Variants in NFATC1 observed in about 807,000 individuals in gnomAD.
NFATC1 encodes nuclear factor of activated T cells 1, also known as nuclear factor of activated T-cells, cytoplasmic 1.
Under a neutral mutation model 76.0 loss-of-function variants are expected in NFATC1, and 22 were observed. The observed-to-expected ratio is 0.29, with a 90% CI of 0.21 to 0.41. The LOEUF (loss-of-function observed/expected upper bound fraction) is 0.41. Among genes scored for constraint, NFATC1 ranks in the 10% least tolerant of loss-of-function variants. The pLI is 1.00. For synonymous variants in NFATC1, 704 were observed against 613.1 expected (o/e 1.15, Z -2.19); for missense variants, 1,357 against 1,337.7 (o/e 1.01, Z -0.23).
chr18:79,509,512 G>A lies in NFATC1; in HGVS notation c.2783-18016G>A, dbSNP rs528504562. Among the ~76,000 whole-genome samples the A allele has an allele frequency of 2.8e-4, 43 of 152,372 alleles. No homozygotes were observed. The South Asian group carries it at 3.1e-3, about 11-fold the overall frequency. On this transcript the variant is annotated intron_variant, in intron 9 of 9. Transcript: ENST00000427363. Reference sequence around the variant, plus strand: ...CCCGGTGATGTTTCCTCAGACGCCCGCGCAGTGCCATGCCGTGGGCCTCAC... The same window carrying A: ...CCCGGTGATGTTTCCTCAGACGCCCACGCAGTGCCATGCCGTGGGCCTCAC...
At chr18:79,458,754 C>T (rs538490952) in intron 6 of NFATC1, among the ~76,000 whole-genome samples, 19 of 152,344 alleles carry the variant, frequency 1.2e-4, no homozygotes, top group South Asian at 4.1e-4. Context: ...GCTGCCCGTC[C>T]GGGCCTCCAC....
At position 79,527,820 on chromosome 18, in the gene NFATC1, G is replaced by A. The variant is rs995974520; in HGVS notation, c.*243G>A. The A allele has an allele frequency of 7.9e-5, 45 of 567,224 alleles. No homozygotes were observed. Among genetic ancestry groups the A allele is most frequent in the East Asian group, 7.5e-4 (27 of 35,982 alleles). The allele number at this position is 567,224 out of a possible 1,614,324, so 35.1% of individuals were successfully genotyped here. Reference sequence around the variant, plus strand: ...TCATGACAACAGAAGGGAGGTGGCCGGGCTGAGCACGGGAGACCCACCGTG... The same window carrying A: ...TCATGACAACAGAAGGGAGGTGGCCAGGCTGAGCACGGGAGACCCACCGTG... On this transcript the variant is annotated 3_prime_UTR_variant, in exon 10 of 10. Transcript: ENST00000427363.
chr18:79,400,138 A>C (rs1267153501), intron 1 of NFATC1: 465 of 653,970 alleles, frequency 7.1e-4, no homozygotes, highest in East Asian at 2.3e-3. Flanking sequence ...CGCGCGCGCG[A>C]GGGGGCGGGG....
chr18:79,411,931 GC>G (rs1356608034), intron 2 of NFATC1, among the ~76,000 whole-genome samples: 1 of 152,176 alleles, frequency 6.6e-6, no homozygotes, highest in Non-Finnish European at 1.5e-5. Flanking sequence ...CACGTGCCTG[GC>G]CCCCCTCGGT....
At chr18:79,401,861 C>T (rs1293289363) in intron 1 of NFATC1, among the ~76,000 whole-genome samples, 3 of 152,342 alleles carry the variant, frequency 2.0e-5, no homozygotes, top group East Asian at 1.9e-4. Context: ...CCCAGTGCTG[C>T]CAGAACCCAG....
intron 1 of NFATC1, among the ~76,000 whole-genome samples, chr18:79,402,089 A>C (rs2085283236): frequency 6.6e-6 from 1 of 152,196 alleles, no homozygotes; most frequent in African/African-American, 2.4e-5. Flanking sequence ...GCGCACCCCC[A>C]GTGACAAGGG....
intron 2 of NFATC1, among the ~76,000 whole-genome samples, chr18:79,418,187 C>T (rs8093148): frequency 0.23 from 34,722 of 151,984 alleles, 4,515 homozygotes; most frequent in African/African-American, 0.36. Flanking sequence ...CCAGCAGTTT[C>T]GTTGTGTGAT....
At chr18:79,456,814 C>T (rs1053432933) in intron 6 of NFATC1, among the ~76,000 whole-genome samples, 1 of 152,158 alleles carries the variant, frequency 6.6e-6, no homozygotes, top group Non-Finnish European at 1.5e-5. Flanking sequence ...GTGGCATCTC[C>T]GTGGTGTGCC....
rs118083295 is a variant in NFATC1 at position 79,440,621 on chromosome 18, G to T, written c.1386+6883G>T. Among the ~76,000 whole-genome samples, 359 of 152,330 alleles carry T rather than the reference G, an allele frequency of 2.4e-3. 3 individuals are homozygous for T. The highest frequency in any genetic ancestry group is 4.3e-3 in the Non-Finnish European group (290 of 68,016). On this transcript the variant is annotated intron_variant, in intron 3 of 9. Coordinates refer to ENST00000427363, the MANE Select transcript of NFATC1 (RefSeq NM_001278669.2). ...ATGGCAGGTCCCTGCCCGTTTCTCC[G>T]AGGACCTGGGGCTGTGACCCAGCTG...
Position 79,410,120 on chromosome 18 carries a change from C to T in NFATC1, c.128-283C>T, listed in dbSNP as rs1237618554. The stretch of plus-strand genomic sequence containing the variant: ...GCGGAACCCGTGAGGACCCGGCCGC[C>T]TCTCCCTGGGAAGGACGTTCGGGGG... On this transcript the variant is annotated intron_variant, in intron 1 of 9. Transcript: ENST00000427363. This position sits in a 1 kb window ranked among gnomAD's most constrained non-coding sequence, Gnocchi z 6.7. 1.2e-5 allele frequency: 9 copies of T among 744,160 alleles called. 1 individual carries two copies. The South Asian group carries it at 1.2e-4, about 10-fold the overall frequency. 46.1% of individuals were successfully genotyped at this position (744,160 alleles called of 1,614,324 possible).
At position 79,458,806 on chromosome 18, in the gene NFATC1, G is replaced by A. The variant is rs554595060; in HGVS notation, c.1904-2505G>A. ...ATGGCGATGCTCTTGCCGGCGGGAC[G>A]CGGCCCTGCGTCTCCTTTCCTGAGA... On this transcript the variant is annotated intron_variant, in intron 6 of 9. Transcript: ENST00000427363. Among the ~76,000 whole-genome samples, 7 of 152,378 alleles carry A rather than the reference G, an allele frequency of 4.6e-5. No individual in the cohort carries two copies. In the East Asian group the frequency reaches 1.2e-3, roughly 25 times the overall value.
chr18:79,520,957 C>CTG (rs1377749761), intron 9 of NFATC1, among the ~76,000 whole-genome samples: 2 of 65,438 alleles, frequency 3.1e-5, no homozygotes, highest in Non-Finnish European at 5.5e-5. Context: ...ATGTGTGTGT[C>CTG]TGTGTGTGGG....
chr18:79,460,484 G>A (rs549889981), intron 6 of NFATC1, among the ~76,000 whole-genome samples: 42 of 152,320 alleles, frequency 2.8e-4, no homozygotes, highest in African/African-American at 9.9e-4. Flanking sequence ...CGCCTTGTCC[G>A]TGTGCGCCTG....
At chr18:79,424,989 GTGTCTATCTCTGTGTCTGTCTC>G (rs2086253546) in intron 2 of NFATC1, among the ~76,000 whole-genome samples, 2 of 88,412 alleles carry the variant, frequency 2.3e-5, no homozygotes, top group African/African-American at 6.4e-5. Context: ...CTGTCTCTCT[GTGTCTATCTCTGTGTCTGTCTC>G]TCTCTCTGTC....
intron 6 of NFATC1, among the ~76,000 whole-genome samples, chr18:79,458,937 A>G (rs1199321835): frequency 6.6e-6 from 1 of 152,224 alleles, no homozygotes; most frequent in Non-Finnish European, 1.5e-5. Flanking sequence ...TTTGAAAGAC[A>G]ATTACTTTAT....
At chr18:79,508,100 A>T (rs1182302216) in intron 9 of NFATC1, among the ~76,000 whole-genome samples, 3 of 152,284 alleles carry the variant, frequency 2.0e-5, no homozygotes, top group Admixed American at 1.3e-4. Flanking sequence ...AATGGAACTG[A>T]ACAGCTCAGT....
intron 8 of NFATC1, among the ~76,000 whole-genome samples, chr18:79,484,475 G>T (rs189132274): frequency 6.6e-6 from 1 of 152,040 alleles, no homozygotes; most frequent in African/African-American, 2.4e-5. Flanking sequence ...TAGGGCGGAC[G>T]CTTTAAACCT....
intron 1 of NFATC1, among the ~76,000 whole-genome samples, chr18:79,408,101 G>T (rs765226552): frequency 6.6e-6 from 1 of 152,212 alleles, no homozygotes; most frequent in South Asian, 2.1e-4. Context: ...CTGCCGTGCC[G>T]TGTTTCCCAC....
chr18:79,478,215 TG>T (rs2089153751), intron 8 of NFATC1, among the ~76,000 whole-genome samples: 1 of 147,462 alleles, frequency 6.8e-6, no homozygotes, highest in Non-Finnish European at 1.5e-5. Context: ...AGCCAACAGG[TG>T]GGGCAGGCTT....
Sources: allele counts gnomAD v4.1 joint callset (sites outside exome capture counted in the v4.1 genomes callset), GRCh38; gene constraint gnomAD v4.1.1; non-coding constraint Gnocchi (gnomAD v3.1); transcripts MANE v1.5; gene names NCBI Gene and HGNC (gene_info 2026-07-23, HGNC 2026-07-21).